The following NUDT13 variants were observed in gnomAD, a reference collection of about 807,000 sequenced individuals.
The protein encoded by NUDT13 is nudix hydrolase 13, also known as NAD(P)H pyrophosphatase NUDT13, mitochondrial.
Under a neutral mutation model 41.7 loss-of-function variants are expected in NUDT13, and 40 were observed. That is an observed-to-expected ratio of 0.96 (90% confidence interval 0.75 to 1.25). The LOEUF (loss-of-function observed/expected upper bound fraction) is 1.25, where lower values mean the gene tolerates loss of function less well. Ranked by LOEUF, NUDT13 falls within the 50% of genes most tolerant of loss-of-function variation. The probability of loss-of-function intolerance (pLI) is 0.00; values close to 1 mark genes in which losing one functional copy is unlikely to be tolerated. For synonymous variants in NUDT13, 145 were observed against 155.5 expected (o/e 0.93, Z 0.50); for missense variants, 390 against 416.1 (o/e 0.94, Z 0.55).
At chr10:73,124,189 T>G in intron 4 of NUDT13, 25 bp from the exon 5 acceptor site, 2 of 1,510,860 alleles carry the variant, frequency 1.3e-6, no homozygotes, top group African/African-American at 2.7e-5. Context: ...ATTGTTTAAT[T>G]TCATTATCTT....
intron 2 of NUDT13, among the ~76,000 whole-genome samples, chr10:73,115,935 C>T (rs781729608): frequency 6.6e-6 from 1 of 152,170 alleles, no homozygotes; most frequent in Non-Finnish European, 1.5e-5. Flanking sequence ...TGCTTTCATA[C>T]AGTTTTGGGG....
chr10:73,125,055 T>A, intron 5 of NUDT13, 63 bp from the exon 6 acceptor site: 1 of 1,538,474 alleles, frequency 6.5e-7, no homozygotes, highest in Non-Finnish European at 8.7e-7. Context: ...CTAGGCCCAG[T>A]GCTGTTAAAG....
At chr10:73,126,064 AT>A (rs1003146405) in intron 7 of NUDT13, 22 of 233,814 alleles carry the variant, frequency 9.4e-5, no homozygotes, top group South Asian at 2.1e-4. Flanking sequence ...AGATTCTATA[AT>A]TTTTTTTCCT....
chr10:73,131,081 A>C lies in NUDT13; in HGVS notation c.*178A>C. ...GTGTTAATGGAAGAAATTCCTACCAATGGGCAATCAAAAAAGCCAGTGTGA... is the reference window on the plus strand; with the variant it reads ...GTGTTAATGGAAGAAATTCCTACCACTGGGCAATCAAAAAAGCCAGTGTGA... On this transcript the variant is annotated 3_prime_UTR_variant, in exon 9 of 9. Coordinates refer to ENST00000357321, the MANE Select transcript of NUDT13 (RefSeq NM_015901.6). The C allele has an allele frequency of 2.2e-5, 11 of 502,628 alleles. No homozygotes were observed. The highest frequency in any genetic ancestry group is 3.2e-5 in the Admixed American group (1 of 31,092). 31.1% of individuals were successfully genotyped at this position (502,628 alleles called of 1,614,324 possible).
At chr10:73,115,727 G>GA (rs899177242) in intron 2 of NUDT13, among the ~76,000 whole-genome samples, 10 of 151,984 alleles carry the variant, frequency 6.6e-5, no homozygotes, top group Non-Finnish European at 1.2e-4. Context: ...CACTTCAGAT[G>GA]AAAAAAACTG....
chr10:73,118,828 T>C (rs1009123088), intron 2 of NUDT13, among the ~76,000 whole-genome samples: 21 of 151,518 alleles, frequency 1.4e-4, no homozygotes, highest in Non-Finnish European at 3.1e-4. Context: ...AGAAATTAGC[T>C]GGGCATGGTG....
At chr10:73,122,397 G>A in intron 4 of NUDT13, 88 bp downstream of exon 4, 2 of 1,307,636 alleles carry the variant, frequency 1.5e-6, no homozygotes, top group East Asian at 2.5e-5. Context: ...GGAAAATTTG[G>A]GGAATACAAA....
At chr10:73,116,868 C>A in intron 2 of NUDT13, among the ~76,000 whole-genome samples, 1 of 142,214 alleles carries the variant, frequency 7.0e-6, no homozygotes. Flanking sequence ...CTTTAACAGA[C>A]TACAAGAATT....
chr10:73,114,401 AT>A lies in NUDT13; in HGVS notation c.43del (p.Trp15GlyfsTer19). The A allele has an allele frequency of 1.3e-5, 21 of 1,593,062 alleles. No homozygotes were observed. The highest frequency in any genetic ancestry group is 8.0e-5 in the South Asian group (7 of 88,004). ...LYCGIACRRK[F>X]FWCYRLLSTY... ...ATTGTGGAATAGCTTGCAGGAGAAAATTTTTTTGGTGCTATAGGCTGCTGTC... is the reference window on the plus strand; with the variant it reads ...ATTGTGGAATAGCTTGCAGGAGAAAATTTTTTGGTGCTATAGGCTGCTGTC... On this transcript the variant is annotated frameshift_variant, in exon 2 of 9. Transcript: ENST00000357321. LOFTEE classifies it high-confidence loss of function.
intron 2 of NUDT13, 120 bp downstream of exon 2, chr10:73,114,568 T>C: frequency 6.9e-6 from 2 of 289,944 alleles, no homozygotes; most frequent in Non-Finnish European, 1.3e-5. Flanking sequence ...TATATTACTA[T>C]ATTTGTGTGT....
Position 73,120,082 on chromosome 10 carries a change from T to C in NUDT13, c.148T>C (p.Tyr50His). The C allele has an allele frequency of 1.9e-6, 3 of 1,614,228 alleles. No individual in the cohort carries two copies. The highest frequency in any genetic ancestry group is 2.2e-5 in the East Asian group (1 of 44,888). ...CKKAQQTGAF[Y>H]LFHSLAPLLQ... is the part of the protein sequence containing the mutation. ...AAAAGCCCAGCAAACAGGAGCGTTT[T>C]ACCTCTTTCATAGTCTGGCTCCTCT... is the stretch of plus-strand genomic sequence containing the variant. Residue 50 changes from tyrosine (Y) to histidine (H), a missense_variant, in exon 3 of 9, where the codon TAC becomes CAC. Coordinates refer to ENST00000357321, the MANE Select transcript of NUDT13 (RefSeq NM_015901.6).
At position 73,130,906 on chromosome 10, in the gene NUDT13, C is replaced by A; in HGVS notation, c.*3C>A. On this transcript the variant is annotated 3_prime_UTR_variant, in exon 9 of 9. Coordinates refer to ENST00000357321, the MANE Select transcript of NUDT13 (RefSeq NM_015901.6). ...CCTGTTCTTCCCTGCCTGCTTAGCC[C>A]GGATCAAGTCACTTAGATCGCTCCT... is the stretch of plus-strand genomic sequence containing the variant. The A allele has an allele frequency of 1.2e-6, 2 of 1,611,406 alleles. No individual in the cohort carries two copies. The highest frequency in any genetic ancestry group is 1.7e-6 in the Non-Finnish European group (2 of 1,178,176).
At chr10:73,127,440 C>T (rs1842815536) in intron 8 of NUDT13, among the ~76,000 whole-genome samples, 1 of 151,932 alleles carries the variant, frequency 6.6e-6, no homozygotes, top group South Asian at 2.1e-4. Flanking sequence ...AATTTGCAAC[C>T]TAGTAAAGGA....
In NUDT13 at chr10:73,131,554, G is replaced by A. The variant is rs1486271448; in HGVS notation, c.*651G>A. ...GGACTCCAGACAGTAAATCTTTTTCGCTGTTTTCAGCTCTGTCACATGCTC... is the reference window on the plus strand; with the variant it reads ...GGACTCCAGACAGTAAATCTTTTTCACTGTTTTCAGCTCTGTCACATGCTC... On this transcript the variant is annotated 3_prime_UTR_variant, in exon 9 of 9. Transcript: ENST00000357321. The A allele has an allele frequency of 1.3e-5, 2 of 152,428 alleles. No individual in the cohort carries two copies. The highest frequency in any genetic ancestry group is 1.9e-4 in the East Asian group (1 of 5,202). 9.4% of individuals were successfully genotyped at this position (152,428 alleles called of 1,614,324 possible). A position where few individuals can be genotyped will look rare whatever the true frequency, so the allele number is the denominator to read the frequency against.
At chr10:73,122,631 GTACAATCACAGCTCAC>G (rs1339390494) in intron 4 of NUDT13, among the ~76,000 whole-genome samples, 2 of 151,942 alleles carry the variant, frequency 1.3e-5, no homozygotes, top group Non-Finnish European at 2.9e-5. Context: ...GAGTGCAGTG[GTACAATCACAGCTCAC>G]TGCAGCCTTG....
intron 2 of NUDT13, chr10:73,119,553 C>T: frequency 1.2e-6 from 1 of 840,992 alleles, no homozygotes; most frequent in Non-Finnish European, 1.4e-6. Flanking sequence ...TATCACTGTA[C>T]TTGTTTTCCT....
At chr10:73,112,933 G>A (rs1037223907) in intron 1 of NUDT13, among the ~76,000 whole-genome samples, 3 of 151,808 alleles carry the variant, frequency 2.0e-5, no homozygotes, top group Admixed American at 6.6e-5. Flanking sequence ...TGTTGCCCAG[G>A]CTGGAGTGCA....
chr10:73,130,854 T>C lies in NUDT13; in HGVS notation c.1010T>C (p.Leu337Pro). 1 of 1,613,876 alleles carries C rather than the reference T, an allele frequency of 6.2e-7. No homozygotes were observed. Among genetic ancestry groups the C allele is most frequent in the Non-Finnish European group, 8.5e-7 (1 of 1,179,916 alleles). Reference protein sequence around the residue: ...LPPKLAISHQLIKEWVEKQTC... With the variant: ...LPPKLAISHQPIKEWVEKQTC... ...CCTAAGTTAGCCATCTCCCACCAAC[T>C]GATTAAGGAGTGGGTGGAAAAACAG... Residue 337 changes from leucine to proline, a missense_variant, in exon 9 of 9, where the codon CTG (leucine) becomes CCG (proline). Coordinates refer to ENST00000357321, the MANE Select transcript of NUDT13 (RefSeq NM_015901.6).
chr10:73,128,512 T>C (rs1842843319), intron 8 of NUDT13, among the ~76,000 whole-genome samples: 1 of 152,246 alleles, frequency 6.6e-6, no homozygotes, highest in South Asian at 2.1e-4. Context: ...CCTTTTCACA[T>C]ACCTGTTGGC....
Sources: gnomAD v4.1 joint callset for allele counts (sites outside exome capture counted in the v4.1 genomes callset) on GRCh38, gnomAD v4.1.1 for gene constraint, MANE v1.5 for transcripts, NCBI Gene and HGNC (gene_info 2026-07-23, HGNC 2026-07-21) for gene names.